The following AKT3 variants were observed in gnomAD, a reference collection of about 807,000 sequenced individuals.
AKT3 encodes RAC-gamma serine/threonine-protein kinase.
Under a neutral mutation model 65.3 loss-of-function variants are expected in AKT3, and 15 were observed. The observed-to-expected ratio is 0.23, with a 90% CI of 0.15 to 0.35. The LOEUF (loss-of-function observed/expected upper bound fraction) is 0.35, where lower values mean the gene tolerates loss of function less well. Among genes scored for constraint, AKT3 ranks in the 10% least tolerant of loss-of-function variants. The pLI, the probability that AKT3 is intolerant of heterozygous loss-of-function variation, is 1.00. For missense variants in AKT3, 243 were observed against 576.5 expected (o/e 0.42, Z 5.92); for synonymous variants, 206 against 183.8 (o/e 1.12, Z -0.98).
chr1:243,765,311 C>G (rs776954502), intron 2 of AKT3, among the ~76,000 whole-genome samples: 3 of 151,952 alleles, frequency 2.0e-5, no homozygotes, highest in Admixed American at 6.6e-5. Flanking sequence ...TCATAAATAT[C>G]TTCCTTACCA....
intron 2 of AKT3, among the ~76,000 whole-genome samples, chr1:243,726,031 A>C (rs1687187366): frequency 3.3e-5 from 5 of 152,066 alleles, no homozygotes. Flanking sequence ...CTGGAATTTC[A>C]TGCCTCCAAC....
intron 2 of AKT3, among the ~76,000 whole-genome samples, chr1:243,725,870 G>A (rs1687176554): frequency 6.6e-6 from 1 of 152,200 alleles, no homozygotes; most frequent in African/African-American, 2.4e-5. Flanking sequence ...CAATATATAT[G>A]TTGTTACAAT....
chr1:243,626,408 C>T (rs1679166125), intron 6 of AKT3, among the ~76,000 whole-genome samples: 1 of 152,168 alleles, frequency 6.6e-6, no homozygotes, highest in Non-Finnish European at 1.5e-5. Flanking sequence ...GCCTCTTAGT[C>T]CCCCAACACT....
At chr1:243,774,775 A>C (rs1382496908) in intron 2 of AKT3, among the ~76,000 whole-genome samples, 1 of 152,200 alleles carries the variant, frequency 6.6e-6, no homozygotes, top group Non-Finnish European at 1.5e-5. Flanking sequence ...TTATTAATAA[A>C]ATTCACATAA....
At chr1:243,727,314 G>A (rs755284354) in intron 2 of AKT3, among the ~76,000 whole-genome samples, 4 of 152,160 alleles carry the variant, frequency 2.6e-5, no homozygotes, top group Non-Finnish European at 5.9e-5. Flanking sequence ...GATTGATTGA[G>A]ACAGGGTCTT....
chr1:243,780,951 T>G (rs1050978681), intron 2 of AKT3, among the ~76,000 whole-genome samples: 6 of 151,986 alleles, frequency 3.9e-5, no homozygotes, highest in African/African-American at 1.4e-4. Flanking sequence ...AAACAAACAC[T>G]AAGAGGAATT....
chr1:243,747,603 A>G (rs1350488391), intron 2 of AKT3, among the ~76,000 whole-genome samples: 2 of 152,198 alleles, frequency 1.3e-5, no homozygotes, highest in African/African-American at 4.8e-5. Flanking sequence ...CCAAGACACA[A>G]TGAAGAGATT....
chr1:243,552,288 CAA>C (rs33995513), intron 11 of AKT3, among the ~76,000 whole-genome samples: 10 of 50,160 alleles, frequency 2.0e-4, no homozygotes, highest in African/African-American at 8.0e-4. Flanking sequence ...GACTCTGTCT[CAA>C]AAAAAAAAAA....
At chr1:243,814,036 G>A (rs1010887581) in intron 2 of AKT3, among the ~76,000 whole-genome samples, 1 of 152,184 alleles carries the variant, frequency 6.6e-6, no homozygotes, top group African/African-American at 2.4e-5. Flanking sequence ...AGGAGTTAGA[G>A]GCTGCACCAA....
intron 2 of AKT3, among the ~76,000 whole-genome samples, chr1:243,805,708 A>G (rs2148380470): frequency 6.6e-6 from 1 of 152,260 alleles, no homozygotes; most frequent in Non-Finnish European, 1.5e-5. Flanking sequence ...CATTGGTTCA[A>G]TGACATTATA....
chr1:243,530,983 ATGTATTTTCAAACATC>A (rs1558592854), intron 12 of AKT3, among the ~76,000 whole-genome samples: 1 of 152,242 alleles, frequency 6.6e-6, no homozygotes. Flanking sequence ...ATTGTACTAT[ATGTATTTTCAAACATC>A]TGTTTTTTTC....
chr1:243,760,380 G>T (rs1689415004), intron 2 of AKT3, among the ~76,000 whole-genome samples: 1 of 132,482 alleles, frequency 7.5e-6, no homozygotes, highest in Non-Finnish European at 1.5e-5. Context: ...TCCAGCTTCA[G>T]CCTCCCAAAG....
intron 2 of AKT3, among the ~76,000 whole-genome samples, chr1:243,827,050 A>C (rs1413460601): frequency 1.3e-5 from 2 of 151,736 alleles, no homozygotes; most frequent in African/African-American, 2.4e-5. Flanking sequence ...GGAAGGAAAA[A>C]ACTCAATACC....
At chr1:243,570,344 T>C (rs1394180580) in intron 9 of AKT3, among the ~76,000 whole-genome samples, 5 of 152,242 alleles carry the variant, frequency 3.3e-5, no homozygotes, top group Admixed American at 6.5e-5. Flanking sequence ...CAGTTCATGA[T>C]AATGTTCTTT....
At chr1:243,603,369 A>T (rs974912100) in intron 8 of AKT3, among the ~76,000 whole-genome samples, 6 of 152,238 alleles carry the variant, frequency 3.9e-5, no homozygotes, top group Non-Finnish European at 8.8e-5. Flanking sequence ...ATCATTGTAC[A>T]GTATTTAATA....
At chr1:243,681,179 G>A (rs1438755285) in intron 3 of AKT3, among the ~76,000 whole-genome samples, 1 of 152,088 alleles carries the variant, frequency 6.6e-6, no homozygotes, top group East Asian at 1.9e-4. Flanking sequence ...TAGACTGTTT[G>A]TCCTCCAAAG....
intron 12 of AKT3, among the ~76,000 whole-genome samples, chr1:243,534,546 A>C (rs983087711): frequency 2.0e-5 from 3 of 152,196 alleles, no homozygotes; most frequent in Non-Finnish European, 4.4e-5. Flanking sequence ...GAAAAGCAGA[A>C]TATGTAACTC....
At chr1:243,826,713 C>T (rs537646170) in intron 2 of AKT3, among the ~76,000 whole-genome samples, 2 of 152,266 alleles carry the variant, frequency 1.3e-5, no homozygotes, top group Admixed American at 6.5e-5. Context: ...TAACTATAAC[C>T]GCCCACCTAT....
chr1:243,495,250 C>A (rs892244965), downstream of AKT3, among the ~76,000 whole-genome samples: 6 of 152,228 alleles, frequency 3.9e-5, no homozygotes, highest in Non-Finnish European at 7.3e-5. Context: ...TGCGGGGCCG[C>A]CTCCCTCTCC....
Sources: allele counts gnomAD v4.1 joint callset (sites outside exome capture counted in the v4.1 genomes callset), GRCh38; gene constraint gnomAD v4.1.1; transcripts MANE v1.5; gene names NCBI Gene and HGNC (gene_info 2026-07-23, HGNC 2026-07-21).